Variants in GALNT9 observed in about 807,000 individuals in gnomAD.
GALNT9 encodes polypeptide N-acetylgalactosaminyltransferase 9.
GALNT9 carries 47 observed loss-of-function variants against 63.1 expected under a neutral mutation model. The ratio of observed to expected loss-of-function variants is 0.75; its 90% CI spans 0.59 to 0.95. The LOEUF is 0.95. GALNT9 is among the 40% of genes least tolerant of loss of function. GALNT9 has a pLI of 0.00. For synonymous variants in GALNT9, 396 were observed against 365.7 expected (o/e 1.08, Z -0.94); for missense variants, 829 against 874.8 (o/e 0.95, Z 0.66).
Position 132,291,175 on chromosome 12 carries a change from A to T in GALNT9, c.239-4745T>A, listed in dbSNP as rs1374206760. Among the ~76,000 whole-genome samples, 25 of 20,020 alleles carry T rather than the reference A, an allele frequency of 1.2e-3. 1 individual carries two copies. The highest frequency in any genetic ancestry group is 3.7e-3 in the African/African-American group (11 of 2,970). The allele number at this position is 20,020 out of a possible 152,430, so 13.1% of individuals were successfully genotyped here. A position where few individuals can be genotyped will look rare whatever the true frequency, so the allele number is the denominator to read the frequency against. On this transcript the variant is annotated intron_variant, in intron 1 of 10. Coordinates refer to ENST00000328957, the MANE Select transcript of GALNT9 (RefSeq NM_001122636.2). The stretch of plus-strand genomic sequence containing the variant: ...AGCACCCACGTCCACAGCACCCACA[A>T]CCACAGCACCCACAACCACAGTGCC...
At chr12:132,322,580 A>G (rs1447027726) in intron 1 of GALNT9, among the ~76,000 whole-genome samples, 3 of 152,192 alleles carry the variant, frequency 2.0e-5, no homozygotes, top group African/African-American at 7.2e-5. Flanking sequence ...GCGTCTGCCC[A>G]ACCCCAGCTC....
rs1275471488 is a variant in GALNT9 at position 132,319,295 on chromosome 12, G to A, written c.238+9671C>T. ...TGCAGACAGGGATCAGCCCCTTCTC[G>A]GAGGCCCGGCTGGAACAGAAAGGCA... On this transcript the variant is annotated intron_variant, in intron 1 of 10. Coordinates refer to ENST00000328957, the MANE Select transcript of GALNT9 (RefSeq NM_001122636.2). The surrounding 1 kb of genome is among the most constrained non-coding windows in gnomAD (Gnocchi z 5.2). Among the ~76,000 whole-genome samples the A allele has an allele frequency of 3.3e-5, 5 of 152,188 alleles. No homozygotes were observed. Among genetic ancestry groups the A allele is most frequent in the Non-Finnish European group, 7.3e-5 (5 of 68,034 alleles).
chr12:132,298,927 C>A lies in GALNT9; in HGVS notation c.239-12497G>T, dbSNP rs528201001. On this transcript the variant is annotated intron_variant, in intron 1 of 10. Transcript: ENST00000328957. ...ACTAACCCACTGCCACCACACCTAA[C>A]CCATCCCAGAGATAAACAACCCACT... Among the ~76,000 whole-genome samples the A allele has an allele frequency of 6.7e-5, 10 of 149,670 alleles. No homozygotes were observed. The East Asian group carries it at 2.1e-3, about 31-fold the overall frequency.
At position 132,236,902 on chromosome 12, in the gene GALNT9, C is replaced by G. The variant is rs2136895068; in HGVS notation, c.1077+11008G>C. Among the ~76,000 whole-genome samples, 8 of 152,250 alleles carry G rather than the reference C, an allele frequency of 5.3e-5. No homozygotes were observed. The highest frequency in any genetic ancestry group is 1.2e-4 in the Non-Finnish European group (8 of 68,000). ...ATGGGAAAGCCATGTGGGTGCTGGT[C>G]GTGTGGCCTCCCACAGCCTGGCTTC... On this transcript the variant is annotated intron_variant, in intron 6 of 10. Coordinates refer to ENST00000328957, the MANE Select transcript of GALNT9 (RefSeq NM_001122636.2). The surrounding 1 kb of genome is among the most constrained non-coding windows in gnomAD (Gnocchi z 5.6).
rs1269360400 is a variant in GALNT9, at chr12:132,252,888, A to G, written c.959+4801T>C. ...ACAACAGCGAAACTGCCTCAAAAAA[A>G]AAAAAAGACACGGAGACCAGTAGTG... On this transcript the variant is annotated intron_variant, in intron 5 of 10. Coordinates refer to ENST00000328957, the MANE Select transcript of GALNT9 (RefSeq NM_001122636.2). This position sits in a 1 kb window ranked among gnomAD's most constrained non-coding sequence, Gnocchi z 5.2. Among the ~76,000 whole-genome samples, 2 of 152,004 alleles carry G rather than the reference A, an allele frequency of 1.3e-5. No homozygotes were observed. The highest frequency in any genetic ancestry group is 1.3e-4 in the Admixed American group (2 of 15,274).
intron 2 of GALNT9, among the ~76,000 whole-genome samples, chr12:132,272,329 C>T (rs1044340125): frequency 6.6e-6 from 1 of 152,196 alleles, no homozygotes; most frequent in African/African-American, 2.4e-5. Flanking sequence ...GGCATTCTGA[C>T]GGTGGCTCCA....
intron 1 of GALNT9, among the ~76,000 whole-genome samples, chr12:132,306,021 C>T (rs940739785): frequency 1.3e-5 from 2 of 152,140 alleles, no homozygotes; most frequent in Admixed American, 6.5e-5. Context: ...GGGCTCATGG[C>T]GGGGCCCAGA....
At chr12:132,239,285 CACAGAGAG>C (rs1555236621) in intron 6 of GALNT9, among the ~76,000 whole-genome samples, 1 of 146,574 alleles carries the variant, frequency 6.8e-6, no homozygotes, top group Non-Finnish European at 1.5e-5. Context: ...GAGACAGAGA[CACAGAGAG>C]ACAGAGAGAG....
intron 1 of GALNT9, among the ~76,000 whole-genome samples, chr12:132,301,524 G>A (rs1304709389): frequency 1.1e-4 from 16 of 152,220 alleles, no homozygotes; most frequent in African/African-American, 3.4e-4. Flanking sequence ...CCCCATCGTC[G>A]GCCCCTGCCC....
At chr12:132,294,017 C>T (rs1342308811) in intron 1 of GALNT9, among the ~76,000 whole-genome samples, 3 of 152,254 alleles carry the variant, frequency 2.0e-5, no homozygotes, top group Non-Finnish European at 4.4e-5. Context: ...TGGAAGACCA[C>T]GAGCATTTGG....
chr12:132,312,430 C>T (rs1250439512), intron 1 of GALNT9, among the ~76,000 whole-genome samples: 10 of 152,190 alleles, frequency 6.6e-5, no homozygotes, highest in East Asian at 1.9e-4. Flanking sequence ...GGTTTAAGGG[C>T]GGCTGGGAGC....
At chr12:132,200,115 C>T (rs1327150653) in intron 8 of GALNT9, among the ~76,000 whole-genome samples, 5 of 152,234 alleles carry the variant, frequency 3.3e-5, no homozygotes, top group African/African-American at 1.2e-4. Context: ...TCAGCACTGC[C>T]TGGGAAACCT....
rs1265213272 is a variant in GALNT9, at chr12:132,267,669, GAGAA to G, written c.420-5048_420-5045del. 5.3e-5 allele frequency among the ~76,000 whole-genome samples: 8 copies of G among 150,742 alleles called. No homozygotes were observed. The East Asian group carries it at 1.6e-3, about 29-fold the overall frequency. On this transcript the variant is annotated intron_variant, in intron 2 of 10. Coordinates refer to ENST00000328957, the MANE Select transcript of GALNT9 (RefSeq NM_001122636.2). ...CAACACTGGTGTGAAGCTAGACAAA[GAGAA>G]AGATGCATTGAAATAGATAAAGGAG...
chr12:132,252,747 C>G lies in GALNT9; in HGVS notation c.960-4720G>C, dbSNP rs1206860809. On this transcript the variant is annotated intron_variant, in intron 5 of 10. Coordinates refer to ENST00000328957, the MANE Select transcript of GALNT9 (RefSeq NM_001122636.2). The surrounding 1 kb of genome is among the most constrained non-coding windows in gnomAD (Gnocchi z 5.2). The stretch of plus-strand genomic sequence containing the variant: ...TACCAAAAAAAATTAGCCAGGCGTG[C>G]TGGCACATGCCTGTAATCCCAGCTA... Among the ~76,000 whole-genome samples the G allele has an allele frequency of 6.6e-6, 1 of 152,108 alleles. No homozygotes were observed. The highest frequency in any genetic ancestry group is 1.9e-4 in the East Asian group (1 of 5,194).
Position 132,245,213 on chromosome 12 carries a change from G to A in GALNT9, c.1077+2697C>T, listed in dbSNP as rs950487636. The stretch of plus-strand genomic sequence containing the variant: ...TCCCAGCACTGTGGGAGGCAGAGGC[G>A]GGCAGATCACCTGAGCTCAGGAGTT... On this transcript the variant is annotated intron_variant, in intron 6 of 10. Coordinates refer to ENST00000328957, the MANE Select transcript of GALNT9 (RefSeq NM_001122636.2). This position sits in a 1 kb window ranked among gnomAD's most constrained non-coding sequence, Gnocchi z 6.3. 6.6e-6 allele frequency among the ~76,000 whole-genome samples: 1 copy of A among 152,042 alleles called. No homozygotes were observed. Among genetic ancestry groups the A allele is most frequent in the Non-Finnish European group, 1.5e-5 (1 of 67,994 alleles).
intron 1 of GALNT9, among the ~76,000 whole-genome samples, chr12:132,290,806 G>A (rs1403024062): frequency 1.5e-5 from 1 of 67,146 alleles, no homozygotes; most frequent in South Asian, 6.6e-4. Context: ...CACGTCCACA[G>A]CACCCACGTC....
intron 6 of GALNT9, among the ~76,000 whole-genome samples, chr12:132,222,417 A>G (rs1258236166): frequency 6.6e-6 from 1 of 152,096 alleles, no homozygotes; most frequent in African/African-American, 2.4e-5. Context: ...ATCTCCTCAC[A>G]AAAAGTAGAT....
intron 6 of GALNT9, among the ~76,000 whole-genome samples, chr12:132,221,554 G>A (rs1456276882): frequency 1.3e-5 from 2 of 150,466 alleles, no homozygotes; most frequent in South Asian, 4.2e-4. Flanking sequence ...CCAGGTACTC[G>A]GGAGGCTGAG....
rs1327251430 is a variant in GALNT9, at chr12:132,310,522, C to G, written c.238+18444G>C. 6.6e-6 allele frequency among the ~76,000 whole-genome samples: 1 copy of G among 152,168 alleles called. No individual in the cohort carries two copies. The highest frequency in any genetic ancestry group is 1.5e-5 in the Non-Finnish European group (1 of 68,034). ...TCTGCCGGCTTCCTCTGTGTCCCTGCCCCCTGAAGAGTCATTTCACACTTG... is the reference window on the plus strand; with the variant it reads ...TCTGCCGGCTTCCTCTGTGTCCCTGGCCCCTGAAGAGTCATTTCACACTTG... On this transcript the variant is annotated intron_variant, in intron 1 of 10. Coordinates refer to ENST00000328957, the MANE Select transcript of GALNT9 (RefSeq NM_001122636.2). The surrounding 1 kb of genome is among the most constrained non-coding windows in gnomAD (Gnocchi z 4.8).
Sources: allele counts gnomAD v4.1 joint callset (sites outside exome capture counted in the v4.1 genomes callset), GRCh38; gene constraint gnomAD v4.1.1; non-coding constraint Gnocchi (gnomAD v3.1); transcripts MANE v1.5; gene names NCBI Gene and HGNC (gene_info 2026-07-23, HGNC 2026-07-21).